The following HERC1 variants were observed in gnomAD, a reference collection of about 807,000 sequenced individuals.
The protein encoded by HERC1 is HECT and RLD domain containing E3 ubiquitin protein ligase family member 1, also known as probable E3 ubiquitin-protein ligase HERC1.
HERC1 carries 160 observed loss-of-function variants against 554.3 expected under a neutral mutation model. The observed-to-expected ratio is 0.29, with a 90% CI of 0.25 to 0.33. HERC1 has a LOEUF of 0.33. Ranked by LOEUF, HERC1 falls within the 10% of genes least tolerant of loss-of-function variation. The pLI, the probability that HERC1 is intolerant of heterozygous loss-of-function variation, is 1.00. For synonymous variants in HERC1, 2,175 were observed against 2,131.7 expected (o/e 1.02, Z -0.56); for missense variants, 4,919 against 5,918.5 (o/e 0.83, Z 5.54).
At position 63,624,148 on chromosome 15, in the gene HERC1, A is replaced by T. The variant is rs1371903560; in HGVS notation, c.13445+10T>A. On this transcript the variant is annotated intron_variant, in intron 72 of 77. Coordinates refer to ENST00000443617, the MANE Select transcript of HERC1 (RefSeq NM_003922.4). ...CAGCTCATTAGTCAAACACACATAC[A>T]TATGCTAACCTGGTTGATATCCTCT... is the stretch of plus-strand genomic sequence containing the variant. The T allele has an allele frequency of 1.3e-6, 2 of 1,598,076 alleles. No individual in the cohort carries two copies. The highest frequency in any genetic ancestry group is 1.7e-5 in the Admixed American group (1 of 57,428).
chr15:63,701,359 A>T (rs1328075375), intron 25 of HERC1, among the ~76,000 whole-genome samples: 1 of 152,198 alleles, frequency 6.6e-6, no homozygotes, highest in Non-Finnish European at 1.5e-5. Context: ...CCAATACTGA[A>T]CTGTCTTCAT....
chr15:63,694,744 A>C lies in HERC1; in HGVS notation c.5242+30T>G. On this transcript the variant is annotated intron_variant, in intron 28 of 77. Coordinates refer to ENST00000443617, the MANE Select transcript of HERC1 (RefSeq NM_003922.4). This position sits in a 1 kb window ranked among gnomAD's most constrained non-coding sequence, Gnocchi z 4.3. ...AACCTCGGGCTAAAATGTAACCTGCACTGTACATTTGCAGGAACCGTTTAC... is the reference window on the plus strand; with the variant it reads ...AACCTCGGGCTAAAATGTAACCTGCCCTGTACATTTGCAGGAACCGTTTAC... The C allele has an allele frequency of 6.2e-7, 1 of 1,613,886 alleles. No homozygotes were observed. Among genetic ancestry groups the C allele is most frequent in the Admixed American group, 1.7e-5 (1 of 60,028 alleles).
Position 63,656,200 on chromosome 15 carries a change from T to A in HERC1, c.9758A>T (p.His3253Leu). Reference protein sequence around the residue: ...ASTSERSRGGHSKANKPISCL... With the variant: ...ASTSERSRGGLSKANKPISCL... Reference sequence around the variant, plus strand: ...AGAGATAGGCTTGTTAGCCTTGCTATGCCCACCTCGTGATCGTTCTGAGGT... The same window carrying A: ...AGAGATAGGCTTGTTAGCCTTGCTAAGCCCACCTCGTGATCGTTCTGAGGT... Residue 3253 changes from histidine (H) to leucine (L), a missense_variant, in exon 49 of 78, where the codon CAT (histidine) becomes CTT (leucine). By Grantham distance (99) the His-to-Leu change is moderately conservative. This residue lies in a region of HERC1 where 1,963 missense variants were observed against 2,228.6 expected (regional missense o/e 0.88). Transcript: ENST00000443617. 1 of 1,613,082 alleles carries A rather than the reference T, an allele frequency of 6.2e-7. No homozygotes were observed. Among genetic ancestry groups the A allele is most frequent in the South Asian group, 1.1e-5 (1 of 90,910 alleles).
rs1174622196 is a variant in HERC1, at chr15:63,661,863, G to A, written c.9060C>T (p.Gly3020=). The A allele has an allele frequency of 6.2e-7, 1 of 1,613,962 alleles. No individual in the cohort carries two copies. Among genetic ancestry groups the A allele is most frequent in the Admixed American group, 1.7e-5 (1 of 60,018 alleles). ...GYRSNGSYVD[G]WFGGECGSGN... Reference sequence around the variant, plus strand: ...CACTCCCACATTCACCGCCAAACCAGCCATCCACATAGGAACCATTGCTGC... The same window carrying A: ...CACTCCCACATTCACCGCCAAACCAACCATCCACATAGGAACCATTGCTGC... Residue 3020 remains glycine (G), a synonymous_variant, in exon 45 of 78, where the codon GGC becomes GGT. Transcript: ENST00000443617.
At chr15:63,744,914 G>A (rs914272975) in intron 12 of HERC1, among the ~76,000 whole-genome samples, 2 of 152,188 alleles carry the variant, frequency 1.3e-5, no homozygotes, top group African/African-American at 4.8e-5. Flanking sequence ...TGACATAGCA[G>A]CTGGGTATCA....
chr15:63,730,981 T>C (rs1203728072), intron 14 of HERC1, among the ~76,000 whole-genome samples: 1 of 152,234 alleles, frequency 6.6e-6, no homozygotes, highest in East Asian at 1.9e-4. Context: ...TATTTTTTGG[T>C]GTATTTCTTT....
intron 18 of HERC1, among the ~76,000 whole-genome samples, chr15:63,724,796 T>C (rs2073972218): frequency 6.6e-6 from 1 of 152,116 alleles, no homozygotes; most frequent in Non-Finnish European, 1.5e-5. Flanking sequence ...AAATGGGAGA[T>C]GCTGCAGAAG....
At position 63,659,833 on chromosome 15, in the gene HERC1, T is replaced by A. The variant is rs577147384; in HGVS notation, c.9327A>T (p.Val3109=). ...TGTCAGGGAACTGAACTGGTTCTGGTACAATGCGCCGGTCATTTAAACCAA... is the reference window on the plus strand; with the variant it reads ...TGTCAGGGAACTGAACTGGTTCTGGAACAATGCGCCGGTCATTTAAACCAA... The part of the protein sequence containing the change: ...GPLGLNDRRI[V]PEPVQFPDSD... The change falls in exon 47 of 78, where the codon GTA becomes GTT. Residue 3109 remains valine (V), a synonymous_variant. Coordinates refer to ENST00000443617, the MANE Select transcript of HERC1 (RefSeq NM_003922.4). 19 of 1,613,930 alleles carry A rather than the reference T, an allele frequency of 1.2e-5. No individual in the cohort carries two copies. In the African/African-American group the frequency reaches 2.3e-4, roughly 19 times the overall value.
intron 18 of HERC1, among the ~76,000 whole-genome samples, chr15:63,725,066 G>C (rs932237575): frequency 6.6e-6 from 1 of 152,072 alleles, no homozygotes; most frequent in Non-Finnish European, 1.5e-5. Context: ...TGACAGAGTA[G>C]GACCAGACCT....
chr15:63,622,022 G>A (rs145295831), intron 74 of HERC1, among the ~76,000 whole-genome samples: 17 of 152,176 alleles, frequency 1.1e-4, no homozygotes, highest in Middle Eastern at 3.4e-3. Context: ...GCTTTGTTCC[G>A]TTGCTGGTGA....
rs2068884393 is a variant in HERC1, at chr15:63,638,470, C to T, written c.12034G>A (p.Glu4012Lys). 1 of 1,613,798 alleles carries T rather than the reference C, an allele frequency of 6.2e-7. No individual in the cohort carries two copies. Among genetic ancestry groups the T allele is most frequent in the Admixed American group, 1.7e-5 (1 of 59,994 alleles). Residue 4012 changes from glutamate (E) to lysine (K), a missense_variant, in exon 63 of 78, where the codon GAA (glutamate) becomes AAA (lysine). Transcript: ENST00000443617. Reference sequence around the variant, plus strand: ...GGTACCATTACATTTCTTCCAGCTTCTGCCAGCTGTCCATGCCTACCAGCA... The same window carrying T: ...GGTACCATTACATTTCTTCCAGCTTTTGCCAGCTGTCCATGCCTACCAGCA... ...WGAGRHGQLA[E>K]AGRNVMVPAA... is the part of the protein sequence containing the mutation.
intron 19 of HERC1, among the ~76,000 whole-genome samples, chr15:63,720,259 A>G (rs1270761384): frequency 2.0e-5 from 3 of 151,616 alleles, no homozygotes; most frequent in Non-Finnish European, 4.4e-5. Context: ...ATGAGCTACC[A>G]CACTCGGCCT....
At position 63,746,926 on chromosome 15, in the gene HERC1, T is replaced by A; in HGVS notation, c.2512A>T (p.Ile838Phe). Residue 838 changes from isoleucine (I) to phenylalanine (F), a missense_variant, in exon 12 of 78, where the codon ATC becomes TTC. This residue lies in a region of HERC1 where 744 missense variants were observed against 1,090.0 expected (regional missense o/e 0.68). Coordinates refer to ENST00000443617, the MANE Select transcript of HERC1 (RefSeq NM_003922.4). ...AAGTCCTATTCTCTTACCTCTTGGA[T>A]TTCATCTGGGACAGTTGAGTCCATC... is the stretch of plus-strand genomic sequence containing the variant. The part of the protein sequence containing the change: ...RLMDSTVPDE[I>F]QEVVIETLSV... 6.4e-7 allele frequency: 1 copy of A among 1,552,052 alleles called. No homozygotes were observed. Among genetic ancestry groups the A allele is most frequent in the Non-Finnish European group, 8.7e-7 (1 of 1,147,096 alleles).
At chr15:63,633,730 A>G in intron 67 of HERC1, 118 bp downstream of exon 67, 1 of 1,082,196 alleles carries the variant, frequency 9.2e-7, no homozygotes, top group Admixed American at 2.6e-5. Context: ...AAGCTTCTAA[A>G]CTTCATTATG....
At chr15:63,744,561 GAC>G (rs1208519227) in intron 12 of HERC1, among the ~76,000 whole-genome samples, 2 of 152,100 alleles carry the variant, frequency 1.3e-5, no homozygotes, top group Non-Finnish European at 2.9e-5. Flanking sequence ...CAAACCACAA[GAC>G]ACAGTCTTTT....
intron 47 of HERC1, among the ~76,000 whole-genome samples, chr15:63,659,532 C>T (rs1437801197): frequency 1.1e-4 from 17 of 152,156 alleles, no homozygotes; most frequent in Admixed American, 1.1e-3. Flanking sequence ...GGATTACGAG[C>T]ATAAGCCACC....
chr15:63,619,594 T>C (rs1050184564), intron 74 of HERC1, among the ~76,000 whole-genome samples: 1 of 152,246 alleles, frequency 6.6e-6, no homozygotes, highest in African/African-American at 2.4e-5. Flanking sequence ...CTTGTACCTC[T>C]GGTAGAAGTT....
intron 1 of HERC1, among the ~76,000 whole-genome samples, chr15:63,829,585 AT>A (rs1567172187): frequency 2.3e-4 from 32 of 140,518 alleles, no homozygotes; most frequent in South Asian, 8.8e-4. Flanking sequence ...ATATATATAT[AT>A]ATATATATAA....
chr15:63,789,596 G>A (rs906257227), intron 1 of HERC1, among the ~76,000 whole-genome samples: 4 of 151,224 alleles, frequency 2.6e-5, no homozygotes, highest in African/African-American at 4.9e-5. Context: ...TCAGGAGTTC[G>A]AGACCAGCCT....
Sources: allele counts gnomAD v4.1 joint callset (sites outside exome capture counted in the v4.1 genomes callset), GRCh38; gene constraint gnomAD v4.1.1; regional missense constraint gnomAD v4.1.1; non-coding constraint Gnocchi (gnomAD v3.1); transcripts MANE v1.5; gene names NCBI Gene and HGNC (gene_info 2026-07-23, HGNC 2026-07-21).